PIAS2: variants seen among roughly 807,000 people sequenced by gnomAD.
The protein encoded by PIAS2 is E3 SUMO-protein ligase PIAS2.
PIAS2 carries 19 observed loss-of-function variants against 69.7 expected under a neutral mutation model. That is an observed-to-expected ratio of 0.27 (90% confidence interval 0.19 to 0.40). The LOEUF (loss-of-function observed/expected upper bound fraction) is 0.40. PIAS2 is among the 10% of genes least tolerant of loss of function. The pLI is 1.00. For synonymous variants in PIAS2, 261 were observed against 263.2 expected, an observed-to-expected ratio of 0.99 and a Z score of 0.08; for missense variants, 624 against 757.0, an observed-to-expected ratio of 0.82 and a Z score of 2.06.
intron 1 of PIAS2, among the ~76,000 whole-genome samples, chr18:46,891,832 A>G (rs1165573667): frequency 6.6e-6 from 1 of 152,054 alleles, no homozygotes; most frequent in Admixed American, 6.6e-5. Flanking sequence ...GCTTCACATC[A>G]CACCTTCTAT....
At chr18:46,901,438 C>T (rs887109328) in intron 1 of PIAS2, among the ~76,000 whole-genome samples, 8 of 152,198 alleles carry the variant, frequency 5.3e-5, no homozygotes, top group Non-Finnish European at 5.9e-5. Context: ...AACCAATATT[C>T]GTCATGAATA....
At chr18:46,837,895 T>C (rs1027795190) in intron 8 of PIAS2, among the ~76,000 whole-genome samples, 4 of 152,198 alleles carry the variant, frequency 2.6e-5, no homozygotes, top group Non-Finnish European at 5.9e-5. Context: ...CACCACTGAA[T>C]CCTACTGTCC....
intron 7 of PIAS2, among the ~76,000 whole-genome samples, chr18:46,844,458 A>G (rs994225267): frequency 6.6e-6 from 1 of 152,156 alleles, no homozygotes; most frequent in African/African-American, 2.4e-5. Context: ...CATTCATCAC[A>G]GTTTTTATTA....
At chr18:46,843,951 G>T in intron 8 of PIAS2, 103 bp downstream of exon 8, 1 of 630,058 alleles carries the variant, frequency 1.6e-6, no homozygotes, top group Non-Finnish European at 2.7e-6. Flanking sequence ...CAAAAGTTCA[G>T]CATTCTTCAT....
At chr18:46,852,418 A>G (rs571569932) in intron 5 of PIAS2, among the ~76,000 whole-genome samples, 7 of 152,180 alleles carry the variant, frequency 4.6e-5, no homozygotes, top group Admixed American at 1.3e-4. Context: ...TCAATGCTCT[A>G]TTTCTTCTCC....
chr18:46,837,656 C>A (rs2044657859), intron 8 of PIAS2, among the ~76,000 whole-genome samples: 1 of 152,074 alleles, frequency 6.6e-6, no homozygotes, highest in Non-Finnish European at 1.5e-5. Flanking sequence ...TTTTGATTAA[C>A]TTTAGTGCTG....
chr18:46,842,512 C>T (rs891194944), intron 8 of PIAS2, among the ~76,000 whole-genome samples: 8 of 152,122 alleles, frequency 5.3e-5, no homozygotes, highest in African/African-American at 1.9e-4. Context: ...GTTTCCTCCC[C>T]ATATGGTGAC....
chr18:46,908,632 C>A (rs1167376618), intron 1 of PIAS2, among the ~76,000 whole-genome samples: 5 of 152,112 alleles, frequency 3.3e-5, no homozygotes, highest in Non-Finnish European at 5.9e-5. Flanking sequence ...TGAAAAATTT[C>A]TTCAACAAGA....
chr18:46,855,521 G>C, intron 4 of PIAS2, 44 bp downstream of exon 4: 1 of 1,570,428 alleles, frequency 6.4e-7, no homozygotes, highest in Non-Finnish European at 8.8e-7. Flanking sequence ...CATGCACATA[G>C]TAAGCAAGTA....
Position 46,803,913 on chromosome 18 carries a change from G to A in PIAS2, c.*8520C>T, listed in dbSNP as rs906010573. 4.6e-5 allele frequency: 7 copies of A among 151,786 alleles called. No individual in the cohort carries two copies. The highest frequency in any genetic ancestry group is 1.7e-4 in the African/African-American group (7 of 41,278). The allele number at this position is 151,786 out of a possible 1,614,324, so 9.4% of individuals were successfully genotyped here. A position where few individuals can be genotyped will look rare whatever the true frequency, so the allele number is the denominator to read the frequency against. On this transcript the variant is annotated 3_prime_UTR_variant, in exon 14 of 14. Transcript: ENST00000585916. ...TACCCACCCCTCATTAATGGCCCTT[G>A]CCCCTGTAAGTTTTGGAGTTCAGAA... is the stretch of plus-strand genomic sequence containing the variant.
intron 3 of PIAS2, among the ~76,000 whole-genome samples, chr18:46,863,948 C>T (rs1261407827): frequency 6.6e-6 from 1 of 152,126 alleles, no homozygotes; most frequent in East Asian, 1.9e-4. Flanking sequence ...GATGCACTAG[C>T]ACAGAGAAAA....
At chr18:46,896,191 T>TAAAAAAAAAAAAAAAA (rs2054856370) in intron 1 of PIAS2, among the ~76,000 whole-genome samples, 1 of 129,180 alleles carries the variant, frequency 7.7e-6, no homozygotes, top group African/African-American at 2.9e-5. Flanking sequence ...AAAAATTAAT[T>TAAAAAAAAAAAAAAAA]AGAAAGCAAA....
intron 1 of PIAS2, chr18:46,891,384 GA>G (rs2145997726): frequency 3.2e-6 from 1 of 316,714 alleles, no homozygotes; most frequent in East Asian, 7.9e-5. Context: ...TATCACCAAT[GA>G]ATATACTCCT....
chr18:46,898,568 T>C (rs1338765760), intron 1 of PIAS2, among the ~76,000 whole-genome samples: 1 of 152,176 alleles, frequency 6.6e-6, no homozygotes, highest in African/African-American at 2.4e-5. Flanking sequence ...ACATTGAATT[T>C]TCCGTATATC....
At chr18:46,844,232 G>A (rs2045842839) in intron 7 of PIAS2, 105 bp from the exon 8 acceptor site, 1 of 468,500 alleles carries the variant, frequency 2.1e-6, no homozygotes, top group South Asian at 6.3e-5. Context: ...ACATATTAAT[G>A]TATTGACAAC....
intron 2 of PIAS2, among the ~76,000 whole-genome samples, chr18:46,869,585 G>C (rs1193128229): frequency 2.0e-5 from 3 of 152,300 alleles, no homozygotes; most frequent in East Asian, 3.9e-4. Flanking sequence ...AACACCCCAC[G>C]TAAGACAGGA....
chr18:46,899,186 T>C (rs915744154), intron 1 of PIAS2, among the ~76,000 whole-genome samples: 6 of 151,960 alleles, frequency 3.9e-5, no homozygotes, highest in African/African-American at 7.3e-5. Context: ...ACATATAATA[T>C]GGCAGGTCAT....
intron 12 of PIAS2, chr18:46,818,369 T>C: frequency 6.5e-7 from 1 of 1,544,484 alleles, no homozygotes; most frequent in East Asian, 2.4e-5. Context: ...ATTTGTTTTA[T>C]TTTGTATTCA....
At chr18:46,916,262 A>G (rs2057869224) in intron 1 of PIAS2, among the ~76,000 whole-genome samples, 2 of 152,210 alleles carry the variant, frequency 1.3e-5, no homozygotes, top group Admixed American at 6.5e-5. Context: ...TCTTGCGGAA[A>G]ACAATAAATA....
Sources: allele counts gnomAD v4.1 joint callset (sites outside exome capture counted in the v4.1 genomes callset), GRCh38; gene constraint gnomAD v4.1.1; transcripts MANE v1.5; gene names NCBI Gene and HGNC (gene_info 2026-07-23, HGNC 2026-07-21).